The following ARPC4 variants were observed in gnomAD, a reference collection of about 807,000 sequenced individuals.
ARPC4 encodes the protein actin-related protein 2/3 complex subunit 4.
A neutral mutation model predicts 22.8 loss-of-function variants in ARPC4; 3 were observed. The ratio of observed to expected loss-of-function variants is 0.13; its 90% confidence interval spans 0.06 to 0.34. ARPC4 has a LOEUF of 0.34. ARPC4 is among the 10% of genes least tolerant of loss of function. The probability of loss-of-function intolerance (pLI) is 1.00; values close to 1 mark genes in which losing one functional copy is unlikely to be tolerated. For synonymous variants in ARPC4, 80 were observed against 72.5 expected, an observed-to-expected ratio of 1.10 and a Z score of -0.52; for missense variants, 98 against 211.0, an observed-to-expected ratio of 0.46 and a Z score of 3.32.
intron 3 of ARPC4, among the ~76,000 whole-genome samples, chr3:9,800,672 G>T (rs190959345): frequency 6.6e-6 from 1 of 152,156 alleles, no homozygotes; most frequent in Admixed American, 6.5e-5. Flanking sequence ...TGATGGGCCC[G>T]CCTCAACCTC....
chr3:9,796,348 C>A (rs983520679), intron 1 of ARPC4, among the ~76,000 whole-genome samples: 1 of 152,158 alleles, frequency 6.6e-6, no homozygotes. Context: ...GAGCAGAGAT[C>A]GTGCCACTGC....
intron 5 of ARPC4, 99 bp downstream of exon 5, chr3:9,804,112 T>C: frequency 7.2e-7 from 1 of 1,390,836 alleles, no homozygotes; most frequent in East Asian, 2.4e-5. Context: ...AGCAGTGTGT[T>C]TATATCTCCT....
At chr3:9,796,732 G>A (rs1410194067) in intron 1 of ARPC4, among the ~76,000 whole-genome samples, 1 of 152,078 alleles carries the variant, frequency 6.6e-6, no homozygotes. Flanking sequence ...ACAAGGTCAG[G>A]AGATTGAGAC....
chr3:9,800,246 C>T lies in ARPC4; in HGVS notation c.184C>T (p.Leu62=), dbSNP rs2078980139. The change falls in exon 3 of 6, where the codon CTG becomes TTG. Residue 62 remains leucine (L), a synonymous_variant. Transcript: ENST00000397261. ...TISRNEKEKV[L]IEGSINSVRV... ...CAGCAGGAATGAGAAGGAAAAGGTT[C>T]TGATTGAGGGCTCCATCAACTCTGT... The T allele has an allele frequency of 2.5e-6, 4 of 1,614,128 alleles. No individual in the cohort carries two copies. Among genetic ancestry groups the T allele is most frequent in the Non-Finnish European group, 3.4e-6 (4 of 1,180,032 alleles).
chr3:9,806,298 CGCG>C lies in ARPC4; in HGVS notation c.*92_*94del, dbSNP rs1009803236. The C allele has an allele frequency of 2.0e-6, 3 of 1,511,882 alleles. No individual in the cohort carries two copies. The highest frequency in any genetic ancestry group is 1.4e-5 in the African/African-American group (1 of 72,658). The allele number at this position is 1,511,882 out of a possible 1,614,324, so 93.7% of individuals were successfully genotyped here. A position where few individuals can be genotyped will look rare whatever the true frequency, so the allele number is the denominator to read the frequency against. On this transcript the variant is annotated 3_prime_UTR_variant, in exon 6 of 6. Transcript: ENST00000397261. Reference sequence around the variant, plus strand: ...CGTCCTGGAGTCACTCCCCGAGCAGCGCGGCGGCGGCAGGGAGTTGGGTTGGGG... The same window carrying C: ...CGTCCTGGAGTCACTCCCCGAGCAGCGCGGCGGCAGGGAGTTGGGTTGGGG...
chr3:9,804,566 T>C (rs1006401867), intron 5 of ARPC4, among the ~76,000 whole-genome samples: 4 of 152,354 alleles, frequency 2.6e-5, no homozygotes, highest in Admixed American at 1.3e-4. Context: ...TAGAATTGTT[T>C]ACATTGATGA....
chr3:9,795,470 AC>A (rs1246856612), intron 1 of ARPC4, among the ~76,000 whole-genome samples: 4 of 151,868 alleles, frequency 2.6e-5, no homozygotes, highest in Admixed American at 6.6e-5. Context: ...GTAGTTCCTT[AC>A]CCCCTTAAGA....
At chr3:9,799,374 C>T (rs982792088) in intron 2 of ARPC4, among the ~76,000 whole-genome samples, 6 of 151,910 alleles carry the variant, frequency 3.9e-5, no homozygotes, top group Non-Finnish European at 8.8e-5. Context: ...TTGAGCATCC[C>T]TAATTCCAAA....
intron 2 of ARPC4, chr3:9,799,933 T>C (rs2078973488): frequency 1.6e-6 from 1 of 608,632 alleles, no homozygotes; most frequent in Admixed American, 2.1e-5. Context: ...AAATTGAGAT[T>C]CCAACAGGGT....
chr3:9,801,633 A>C, intron 3 of ARPC4, 28 bp from the exon 4 acceptor site: 1 of 1,579,440 alleles, frequency 6.3e-7, no homozygotes, highest in Non-Finnish European at 8.6e-7. Context: ...TCAGCTTTAG[A>C]GAAACATTTC....
chr3:9,803,752 A>T lies in ARPC4; in HGVS notation c.331-91A>T, dbSNP rs2079059378. 5.2e-6 allele frequency: 7 copies of T among 1,339,186 alleles called. No homozygotes were observed. The South Asian group carries it at 9.0e-5, about 17-fold the overall frequency. 83.0% of individuals were successfully genotyped at this position (1,339,186 alleles called of 1,614,324 possible). A position where few individuals can be genotyped will look rare whatever the true frequency, so the allele number is the denominator to read the frequency against. ...ATCACAGCCAGTGGGAAGCATGTGG[A>T]TGAGTGGAGGACATGACCAGCTCAG... is the stretch of plus-strand genomic sequence containing the variant. On this transcript the variant is annotated intron_variant, in intron 4 of 5. Transcript: ENST00000397261.
chr3:9,803,586 C>T lies in ARPC4; in HGVS notation c.331-257C>T, dbSNP rs776323742. ...TCCTTGACTCATTCTGAATGCAGAG[C>T]TGTTGTGCCACAGATAGTTTTCCAG... On this transcript the variant is annotated intron_variant, in intron 4 of 5. Transcript: ENST00000397261. 3 of 626,562 alleles carry T rather than the reference C, an allele frequency of 4.8e-6. No homozygotes were observed. In the East Asian group the frequency reaches 9.9e-5, roughly 21 times the overall value. 38.8% of individuals were successfully genotyped at this position (626,562 alleles called of 1,614,324 possible). A position where few individuals can be genotyped will look rare whatever the true frequency, so the allele number is the denominator to read the frequency against.
chr3:9,805,350 C>T (rs1158038857), intron 5 of ARPC4, among the ~76,000 whole-genome samples: 1 of 152,162 alleles, frequency 6.6e-6, no homozygotes, highest in East Asian at 1.9e-4. Context: ...GTCCCTCAGC[C>T]AGTAAGAGGA....
At chr3:9,806,183 T>C (rs369849850) in intron 5 of ARPC4, 27 bp from the exon 6 acceptor site, 9 of 1,613,304 alleles carry the variant, frequency 5.6e-6, no homozygotes, top group South Asian at 1.1e-5. Flanking sequence ...ATAACCACCA[T>C]GCACTGCCTC....
chr3:9,799,787 A>C (rs1446122383), intron 2 of ARPC4: 3 of 448,300 alleles, frequency 6.7e-6, no homozygotes, highest in Non-Finnish European at 1.3e-5. Context: ...GGGATGTTCA[A>C]CTTGTAGTTA....
At position 9,793,144 on chromosome 3, in the gene ARPC4, G is replaced by T; in HGVS notation, c.3+20G>T. ...GCGATGGTGAGAGAGCCGGGCCCCC[G>T]GCCAGGGACCCCCGGCTGTTCGGCC... On this transcript the variant is annotated intron_variant, in intron 1 of 5. Transcript: ENST00000397261. 1 of 1,540,268 alleles carries T rather than the reference G, an allele frequency of 6.5e-7. No individual in the cohort carries two copies. Among genetic ancestry groups the T allele is most frequent in the East Asian group, 2.5e-5 (1 of 40,450 alleles).
intron 4 of ARPC4, 89 bp downstream of exon 4, chr3:9,801,845 G>A: frequency 7.6e-7 from 1 of 1,309,290 alleles, no homozygotes; most frequent in Non-Finnish European, 1.0e-6. Flanking sequence ...TACTCCAGCT[G>A]TTTGGCACCC....
At chr3:9,801,993 C>T (rs935078816) in intron 4 of ARPC4, among the ~76,000 whole-genome samples, 1 of 152,098 alleles carries the variant, frequency 6.6e-6, no homozygotes, top group African/African-American at 2.4e-5. Flanking sequence ...CTAATCCCAA[C>T]ACTTTGGGAG....
chr3:9,792,633 G>A, upstream of ARPC4: 1 of 1,231,532 alleles, frequency 8.1e-7, no homozygotes, highest in Non-Finnish European at 1.0e-6. Flanking sequence ...GGCACAGCCC[G>A]GGGCGGGAGG....
Sources: gnomAD v4.1 joint callset for allele counts (sites outside exome capture counted in the v4.1 genomes callset) on GRCh38, gnomAD v4.1.1 for gene constraint, MANE v1.5 for transcripts, NCBI Gene and HGNC (gene_info 2026-07-23, HGNC 2026-07-21) for gene names.